Variants in DNAH6 observed in about 807,000 individuals in gnomAD.
DNAH6 encodes the protein axonemal beta dynein heavy chain 6.
In DNAH6, 340 loss-of-function variants were observed where a neutral mutation model predicts 491.4. The observed-to-expected ratio is 0.69, with a 90% CI of 0.63 to 0.76. DNAH6 has a LOEUF of 0.76. DNAH6 is among the 30% of genes least tolerant of loss of function. The pLI, the probability that DNAH6 is intolerant of heterozygous loss-of-function variation, is 0.00. For synonymous variants in DNAH6, 1,603 were observed against 1,686.1 expected (o/e 0.95, Z 1.21); for missense variants, 4,443 against 4,972.2 (o/e 0.89, Z 3.20).
At chr2:84,749,614 T>C (rs1044430402) in intron 63 of DNAH6, among the ~76,000 whole-genome samples, 3 of 152,182 alleles carry the variant, frequency 2.0e-5, no homozygotes, top group Admixed American at 1.3e-4. Flanking sequence ...TCACCTCAGA[T>C]GGTGCCTGGG....
intron 41 of DNAH6, among the ~76,000 whole-genome samples, chr2:84,679,518 G>T (rs1200142805): frequency 6.6e-6 from 1 of 152,170 alleles, no homozygotes; most frequent in Non-Finnish European, 1.5e-5. Context: ...ACTGAAAACC[G>T]TGATCAGCTC....
chr2:84,600,984 G>C (rs867421054), intron 18 of DNAH6, among the ~76,000 whole-genome samples: 7 of 132,210 alleles, frequency 5.3e-5, no homozygotes, highest in African/African-American at 2.1e-4. Flanking sequence ...TATTATTATA[G>C]TATAATAATA....
At chr2:84,649,073 A>G (rs1002475887) in intron 33 of DNAH6, among the ~76,000 whole-genome samples, 1 of 152,218 alleles carries the variant, frequency 6.6e-6, no homozygotes, top group Non-Finnish European at 1.5e-5. Flanking sequence ...GATGGCTCAG[A>G]TGGTCATTAG....
At chr2:84,693,652 C>T (rs1179308676) in intron 45 of DNAH6, among the ~76,000 whole-genome samples, 2 of 142,636 alleles carry the variant, frequency 1.4e-5, no homozygotes, top group African/African-American at 5.6e-5. Flanking sequence ...CTGAGGCAGG[C>T]GTGAACCCAG....
the DNAH6 span, among the ~76,000 whole-genome samples, chr2:84,490,594 C>T: frequency 3.3e-5 from 5 of 152,194 alleles, no homozygotes; most frequent in South Asian, 2.1e-4. Context: ...TGGAGTCTCA[C>T]TCTGTCACCC....
At chr2:84,617,305 A>G (rs1686951537) in intron 23 of DNAH6, among the ~76,000 whole-genome samples, 1 of 152,092 alleles carries the variant, frequency 6.6e-6, no homozygotes, top group Non-Finnish European at 1.5e-5. Context: ...CACATCATGT[A>G]AAATGGGGTA....
the DNAH6 span, among the ~76,000 whole-genome samples, chr2:84,477,093 T>A: frequency 6.7e-6 from 1 of 149,742 alleles, no homozygotes; most frequent in Non-Finnish European, 1.5e-5. Context: ...AGAAAAAGAG[T>A]TTGAGAGAGA....
chr2:84,762,809 G>T lies in DNAH6; in HGVS notation c.10567G>T (p.Glu3523Ter), dbSNP rs1674715838. ...VIENLGKQFIETPPVDLPTLY... is the reference protein window; with the variant it reads ...VIENLGKQFI ...AGAAAATCTTGGAAAACAGTTTATA[G>T]AGACACCACCTGTGGACCTGCCTAC... The change falls in exon 64 of 77, where the codon GAG (glutamate) becomes TAG (stop). Residue 3523 changes from glutamate to a stop codon, truncating the protein, a stop_gained. Transcript: ENST00000389394. LOFTEE classifies it high-confidence loss of function. 1.3e-6 allele frequency: 2 copies of T among 1,551,064 alleles called. No individual in the cohort carries two copies. The highest frequency in any genetic ancestry group is 1.7e-6 in the Non-Finnish European group (2 of 1,146,730).
At chr2:84,599,312 G>C (rs1015309399) in intron 18 of DNAH6, among the ~76,000 whole-genome samples, 1 of 151,620 alleles carries the variant, frequency 6.6e-6, no homozygotes, top group African/African-American at 2.4e-5. Flanking sequence ...TTTTCACAGA[G>C]CAAAAAGTTT....
chr2:84,742,444 A>T (rs1360608703), intron 62 of DNAH6, among the ~76,000 whole-genome samples: 1 of 152,158 alleles, frequency 6.6e-6, no homozygotes, highest in African/African-American at 2.4e-5. Context: ...GTCTAGAGAC[A>T]TTTTTGTTTG....
chr2:84,569,010 A>G (rs920183264), intron 11 of DNAH6, among the ~76,000 whole-genome samples: 14 of 152,358 alleles, frequency 9.2e-5, no homozygotes, highest in Admixed American at 6.5e-4. Context: ...TTTTGATCCA[A>G]CAATACAACC....
rs1678884824 is a variant in DNAH6 at position 84,547,387 on chromosome 2, C to T, written c.1050C>T (p.Val350=). 4 of 1,551,646 alleles carry T rather than the reference C, an allele frequency of 2.6e-6. No homozygotes were observed. The highest frequency in any genetic ancestry group is 3.5e-6 in the Non-Finnish European group (4 of 1,146,972). Residue 350 remains valine (V), a synonymous_variant, in exon 6 of 77, where the codon GTC becomes GTT. Coordinates refer to ENST00000389394, the MANE Select transcript of DNAH6 (RefSeq NM_001370.2). ...TGCAGGAATTTAAGGCCGCACAAGT[C>T]ATACGGCTAGCAGAGGTAACAAATT... is the stretch of plus-strand genomic sequence containing the variant. ...YTLQEFKAAQ[V]IRLAEVTERL...
chr2:84,587,437 T>G (rs1173764775), intron 15 of DNAH6, among the ~76,000 whole-genome samples: 1 of 152,224 alleles, frequency 6.6e-6, no homozygotes, highest in Non-Finnish European at 1.5e-5. Context: ...TCATGCATTT[T>G]AAATAGCATG....
At chr2:84,722,330 G>A (rs1268062978) in intron 59 of DNAH6, among the ~76,000 whole-genome samples, 1 of 152,142 alleles carries the variant, frequency 6.6e-6, no homozygotes, top group Non-Finnish European at 1.5e-5. Flanking sequence ...GATGGTGTTT[G>A]CATTGCAGGA....
At chr2:84,537,743 G>T (rs1394283301) in intron 4 of DNAH6, among the ~76,000 whole-genome samples, 5 of 152,018 alleles carry the variant, frequency 3.3e-5, no homozygotes, top group African/African-American at 1.2e-4. Context: ...CTAGTAGATG[G>T]TAGGTGTTTT....
chr2:84,814,186 C>T, intron 75 of DNAH6, 64 bp downstream of exon 75: 1 of 1,499,914 alleles, frequency 6.7e-7, no homozygotes, highest in Non-Finnish European at 9.0e-7. Flanking sequence ...AGATTTCAGA[C>T]AACCTTCCAT....
At chr2:84,474,500 A>G in the DNAH6 span, among the ~76,000 whole-genome samples, 1 of 152,084 alleles carries the variant, frequency 6.6e-6, no homozygotes, top group African/African-American at 2.4e-5. Context: ...AAAGGTTCTG[A>G]TTGGCCATTT....
the DNAH6 span, among the ~76,000 whole-genome samples, chr2:84,464,290 G>A: frequency 1.3e-5 from 2 of 152,092 alleles, no homozygotes; most frequent in Non-Finnish European, 2.9e-5. Context: ...ATCCCCGCTC[G>A]CCAAAACATA....
At chr2:84,686,049 G>T (rs1198864771) in intron 43 of DNAH6, among the ~76,000 whole-genome samples, 2 of 151,994 alleles carry the variant, frequency 1.3e-5, no homozygotes, top group African/African-American at 2.4e-5. Flanking sequence ...ATAGCTGGGT[G>T]TGGTGGTGTG....
Sources: gnomAD v4.1 joint callset for allele counts (sites outside exome capture counted in the v4.1 genomes callset) on GRCh38, gnomAD v4.1.1 for gene constraint, MANE v1.5 for transcripts, NCBI Gene and HGNC (gene_info 2026-07-23, HGNC 2026-07-21) for gene names.